Variants in IPO8 observed in about 807,000 individuals in gnomAD.
IPO8 encodes importin-8.
Under a neutral mutation model 141.2 loss-of-function variants are expected in IPO8, and 65 were observed. The ratio of observed to expected loss-of-function variants is 0.46; its 90% CI spans 0.38 to 0.57. IPO8 has a LOEUF of 0.57. Among genes scored for constraint, IPO8 ranks in the 20% least tolerant of loss-of-function variants. IPO8 has a pLI of 0.00. For missense variants in IPO8, 980 were observed against 1,246.8 expected, an observed-to-expected ratio of 0.79 and a Z score of 3.22; for synonymous variants, 411 against 420.3, an observed-to-expected ratio of 0.98 and a Z score of 0.27.
Position 30,637,137 on chromosome 12 carries a change from A to G in IPO8, c.2540T>C (p.Leu847Ser), listed in dbSNP as rs756025106. The G allele has an allele frequency of 6.2e-7, 1 of 1,613,844 alleles. No homozygotes were observed. The highest frequency in any genetic ancestry group is 8.5e-7 in the Non-Finnish European group (1 of 1,179,956). The change falls in exon 22 of 25, where the codon TTG (leucine) becomes TCG (serine). Residue 847 changes from leucine to serine, a missense_variant. Transcript: ENST00000256079. ...ATCTACTGCAGGAGGTCGATTTTGC[A>G]ATTCCAAAAGGATACTCAGTCCTAT... is the stretch of plus-strand genomic sequence containing the variant. Reference protein sequence around the residue: ...CIIGLSILLELQNRPPAVDAV... With the variant: ...CIIGLSILLESQNRPPAVDAV...
chr12:30,643,594 G>T (rs2052602400), intron 20 of IPO8, among the ~76,000 whole-genome samples: 1 of 152,226 alleles, frequency 6.6e-6, no homozygotes, highest in African/African-American at 2.4e-5. Flanking sequence ...GACCCCTTAT[G>T]AATGCCTTGG....
intron 16 of IPO8, among the ~76,000 whole-genome samples, chr12:30,659,862 A>C (rs1352500124): frequency 2.0e-5 from 3 of 149,246 alleles, no homozygotes; most frequent in South Asian, 2.1e-4. Context: ...CTCAAAACAA[A>C]AAAAAAAAAA....
chr12:30,676,625 C>A, intron 5 of IPO8, 38 bp from the exon 6 acceptor site: 1 of 1,447,528 alleles, frequency 6.9e-7, no homozygotes, highest in South Asian at 1.1e-5. Flanking sequence ...GTAATTCCTC[C>A]CATCCAAAAA....
intron 14 of IPO8, 59 bp downstream of exon 14, chr12:30,663,430 T>C (rs1162042897): frequency 1.4e-6 from 2 of 1,446,918 alleles, no homozygotes; most frequent in Non-Finnish European, 1.9e-6. Context: ...GCATCTTCAT[T>C]AGGGAAGAAA....
Position 30,630,575 on chromosome 12 carries a change from A to T in IPO8, c.*285T>A. ...GACGTGCAAGTCTATCCAATCCTCTAAAACAACCTTGGGCATTCAGCCTTT... is the reference window on the plus strand; with the variant it reads ...GACGTGCAAGTCTATCCAATCCTCTTAAACAACCTTGGGCATTCAGCCTTT... On this transcript the variant is annotated 3_prime_UTR_variant, in exon 25 of 25. Coordinates refer to ENST00000256079, the MANE Select transcript of IPO8 (RefSeq NM_006390.4). 1 of 367,240 alleles carries T rather than the reference A, an allele frequency of 2.7e-6. No individual in the cohort carries two copies. The highest frequency in any genetic ancestry group is 2.1e-5 in the African/African-American group (1 of 47,700). 22.7% of individuals were successfully genotyped at this position (367,240 alleles called of 1,614,324 possible).
intron 14 of IPO8, among the ~76,000 whole-genome samples, chr12:30,663,117 A>T (rs2052912243): frequency 6.6e-6 from 1 of 152,204 alleles, no homozygotes; most frequent in Non-Finnish European, 1.5e-5. Flanking sequence ...CAGAGGTGAA[A>T]GGAATCATGA....
intron 1 of IPO8, chr12:30,694,927 G>C (rs1260443847): frequency 1.8e-5 from 8 of 452,132 alleles, no homozygotes; most frequent in Non-Finnish European, 3.1e-5. Context: ...AGAAAAGAAA[G>C]AAGTCTTACA....
chr12:30,635,048 T>C (rs7972532), intron 22 of IPO8, among the ~76,000 whole-genome samples: 86,326 of 151,898 alleles, frequency 0.57, 25,639 homozygotes, highest in African/African-American at 0.74. Flanking sequence ...TTATGATAAG[T>C]GAAATAAGCC....
At position 30,695,760 on chromosome 12, in the gene IPO8, C is replaced by G. The variant is rs1299221873; in HGVS notation, c.-113G>C. ...GCGACCCCTGGATTACCTCACACCC[C>G]ACCCCCCGCCACCGTCGCCACCTGC... is the stretch of plus-strand genomic sequence containing the variant. On this transcript the variant is annotated 5_prime_UTR_variant, in exon 1 of 25. Coordinates refer to ENST00000256079, the MANE Select transcript of IPO8 (RefSeq NM_006390.4). This position sits in a 1 kb window ranked among gnomAD's most constrained non-coding sequence, Gnocchi z 4.2. 1.1e-6 allele frequency: 1 copy of G among 917,338 alleles called. No homozygotes were observed. The highest frequency in any genetic ancestry group is 1.6e-6 in the Non-Finnish European group (1 of 615,366). 56.8% of individuals were successfully genotyped at this position (917,338 alleles called of 1,614,324 possible).
intron 1 of IPO8, among the ~76,000 whole-genome samples, chr12:30,693,254 T>C (rs906064434): frequency 2.0e-5 from 3 of 152,200 alleles, no homozygotes; most frequent in African/African-American, 7.2e-5. Context: ...GGAAGATGTA[T>C]AGGGTTCGCT....
chr12:30,661,614 C>CA (rs34097788), intron 15 of IPO8, among the ~76,000 whole-genome samples: 65,391 of 129,114 alleles, frequency 0.51, 15,181 homozygotes, highest in African/African-American at 0.54. Flanking sequence ...ATGAAACAAA[C>CA]AAAAAAAAAA....
intron 2 of IPO8, among the ~76,000 whole-genome samples, chr12:30,688,048 G>A (rs1486350020): frequency 6.6e-6 from 1 of 151,950 alleles, no homozygotes; most frequent in African/African-American, 2.4e-5. Context: ...AAAATGCACT[G>A]AAAAAAGTAC....
At chr12:30,636,854 T>C (rs899847958) in intron 22 of IPO8, 128 bp downstream of exon 22, 17 of 780,004 alleles carry the variant, frequency 2.2e-5, no homozygotes, top group African/African-American at 3.5e-5. Flanking sequence ...GCCCAAAATA[T>C]TTGTTATATG....
Position 30,666,232 on chromosome 12 carries a change from A to G in IPO8, c.1164T>C (p.Ala388=). The part of the protein sequence containing the change: ...RMKFDIFEDY[A]SPTTAAQTLL... ...GAGTCTGGGCTGCTGTGGTGGGAGA[A>G]GCATAATCTTCAAAAATATCTAAGA... Residue 388 remains alanine (A), a synonymous_variant, in exon 11 of 25, where the codon GCT becomes GCC. Coordinates refer to ENST00000256079, the MANE Select transcript of IPO8 (RefSeq NM_006390.4). 2.5e-6 allele frequency: 4 copies of G among 1,588,566 alleles called. No homozygotes were observed. Among genetic ancestry groups the G allele is most frequent in the Non-Finnish European group, 3.4e-6 (4 of 1,164,928 alleles).
At chr12:30,677,141 T>C in intron 5 of IPO8, 4 of 1,381,910 alleles carry the variant, frequency 2.9e-6, no homozygotes, top group Non-Finnish European at 3.9e-6. Context: ...AGATAGACAA[T>C]CTTTGCCCTC....
At chr12:30,636,940 T>G in intron 22 of IPO8, 42 bp downstream of exon 22, 1 of 1,539,690 alleles carries the variant, frequency 6.5e-7, no homozygotes, top group Non-Finnish European at 9.0e-7. Flanking sequence ...CATACACAAA[T>G]CAAAATCAAT....
In IPO8 at chr12:30,695,803, C is replaced by T; in HGVS notation, c.-156G>A. 1 of 603,150 alleles carries T rather than the reference C, an allele frequency of 1.7e-6. No individual in the cohort carries two copies. Among genetic ancestry groups the T allele is most frequent in the Non-Finnish European group, 2.9e-6 (1 of 345,524 alleles). The allele number at this position is 603,150 out of a possible 1,614,324, so 37.4% of individuals were successfully genotyped here. A position where few individuals can be genotyped will look rare whatever the true frequency, so the allele number is the denominator to read the frequency against. ...CCACCTGCGGCCACTTGCTGCGCCA[C>T]TCTGACTCCGCGCCCCCTGTCCTCC... On this transcript the variant is annotated 5_prime_UTR_variant, in exon 1 of 25. It adds an upstream start codon to the 5' untranslated region. Coordinates refer to ENST00000256079, the MANE Select transcript of IPO8 (RefSeq NM_006390.4). The surrounding 1 kb of genome is among the most constrained non-coding windows in gnomAD (Gnocchi z 4.2).
intron 22 of IPO8, among the ~76,000 whole-genome samples, chr12:30,636,449 A>G (rs1450500483): frequency 6.6e-6 from 1 of 152,142 alleles, no homozygotes. Context: ...AAGTATATCC[A>G]CTTCATTTAT....
At chr12:30,659,290 G>A (rs2052848085) in intron 16 of IPO8, among the ~76,000 whole-genome samples, 1 of 152,046 alleles carries the variant, frequency 6.6e-6, no homozygotes, top group Admixed American at 6.6e-5. Context: ...AGCAGTTCCA[G>A]GACTGCCAGA....
Sources: allele counts gnomAD v4.1 joint callset (sites outside exome capture counted in the v4.1 genomes callset), GRCh38; gene constraint gnomAD v4.1.1; non-coding constraint Gnocchi (gnomAD v3.1); transcripts MANE v1.5; gene names NCBI Gene and HGNC (gene_info 2026-07-23, HGNC 2026-07-21).